The following LNPK variants were observed in gnomAD, a reference collection of about 807,000 sequenced individuals.
LNPK encodes lunapark, ER junction formation factor.
LNPK carries 29 observed loss-of-function variants against 55.2 expected under a neutral mutation model. The observed-to-expected ratio is 0.53, with a 90% CI of 0.39 to 0.72. The LOEUF (loss-of-function observed/expected upper bound fraction) is 0.72. Among genes scored for constraint, LNPK ranks in the 30% least tolerant of loss-of-function variants. The pLI is 0.00. For synonymous variants in LNPK, 162 were observed against 168.2 expected, an observed-to-expected ratio of 0.96 and a Z score of 0.29; for missense variants, 467 against 494.8, an observed-to-expected ratio of 0.94 and a Z score of 0.53.
At chr2:175,992,192 A>G (rs755597471) in intron 4 of LNPK, 39 bp downstream of exon 4, 1 of 1,359,168 alleles carries the variant, frequency 7.4e-7, no homozygotes, top group Non-Finnish European at 1.0e-6. Flanking sequence ...CTCTCTAGTC[A>G]GAAAAGGAAA....
Position 175,930,154 on chromosome 2 carries a change from T to C in LNPK, c.1100A>G (p.Asp367Gly), listed in dbSNP as rs1360265226. 3.1e-6 allele frequency: 5 copies of C among 1,613,244 alleles called. No homozygotes were observed. In the East Asian group the frequency reaches 1.1e-4, roughly 36 times the overall value. ...DVLDDNTEQT[D>G]DKIPATEQTN... The stretch of plus-strand genomic sequence containing the variant: ...CTGTTCTGTAGCTGGTATTTTGTCA[T>C]CTGTCTGCTCTGTATTATCATCAAG... The change falls in exon 13 of 13, where the codon GAT (aspartate) becomes GGT (glycine). Residue 367 changes from aspartate (D) to glycine (G), a missense_variant. By Grantham distance (94) the Asp-to-Gly change is moderately conservative. Coordinates refer to ENST00000272748, the MANE Select transcript of LNPK (RefSeq NM_030650.3).
At chr2:175,979,597 T>TA (rs377096584) in intron 5 of LNPK, among the ~76,000 whole-genome samples, 1,962 of 150,884 alleles carry the variant, frequency 0.013, 43 homozygotes, top group African/African-American at 0.045. Context: ...TTGTTTTGTG[T>TA]AAAAAAAAAT....
Position 175,929,286 on chromosome 2 carries a change from T to C in LNPK, c.*681A>G. ...TGTAAATATAAACTAATTATATACATAATGTGCCTTTGGCCCAGTTGTAAA... is the reference window on the plus strand; with the variant it reads ...TGTAAATATAAACTAATTATATACACAATGTGCCTTTGGCCCAGTTGTAAA... On this transcript the variant is annotated 3_prime_UTR_variant, in exon 13 of 13. Coordinates refer to ENST00000272748, the MANE Select transcript of LNPK (RefSeq NM_030650.3). 1.0e-6 allele frequency: 1 copy of C among 971,926 alleles called. No individual in the cohort carries two copies. 60.2% of individuals were successfully genotyped at this position (971,926 alleles called of 1,614,324 possible).
chr2:175,937,460 T>G lies in LNPK; in HGVS notation c.938A>C (p.Gln313Pro), dbSNP rs139043546. 1.5e-5 allele frequency: 24 copies of G among 1,613,612 alleles called. No homozygotes were observed. The Admixed American group carries it at 1.8e-4, about 12-fold the overall frequency. The change falls in exon 12 of 13, where the codon CAG becomes CCG. Residue 313 changes from glutamine to proline, a missense_variant. Physicochemically the swap from Gln to Pro is moderately conservative, Grantham distance 76 (BLOSUM62 -1). Transcript: ENST00000272748. Reference sequence around the variant, plus strand: ...ACTAAACTCAGGAAGTCTTGGAGCCTGAGGTCTGGTTTTTCTTGCAGGGTT... The same window carrying G: ...ACTAAACTCAGGAAGTCTTGGAGCCGGAGGTCTGGTTTTTCTTGCAGGGTT... The part of the protein sequence containing the change: ...FLNPARKTRP[Q>P]APRLPEFSFE...
At chr2:175,964,659 C>A in intron 6 of LNPK, 70 bp from the exon 7 acceptor site, 1 of 828,962 alleles carries the variant, frequency 1.2e-6, no homozygotes, top group Non-Finnish European at 2.1e-6. Flanking sequence ...AAGTCCTATT[C>A]AAAAAGGTTT....
chr2:175,970,623 T>G lies in LNPK; in HGVS notation c.357+141A>C, dbSNP rs369427794. 8.3e-5 allele frequency: 34 copies of G among 407,272 alleles called. No homozygotes were observed. The East Asian group carries it at 1.9e-3, about 22-fold the overall frequency. The allele number at this position is 407,272 out of a possible 1,614,324, so 25.2% of individuals were successfully genotyped here. On this transcript the variant is annotated intron_variant, in intron 6 of 12. Transcript: ENST00000272748. Reference sequence around the variant, plus strand: ...AATCATTATTAACTAGCAAAAATATTCACAATTTCACTTCATCATTAAAAT... The same window carrying G: ...AATCATTATTAACTAGCAAAAATATGCACAATTTCACTTCATCATTAAAAT...
At chr2:175,939,520 T>C in intron 10 of LNPK, 32 bp downstream of exon 10, 1 of 1,222,742 alleles carries the variant, frequency 8.2e-7, no homozygotes, top group Non-Finnish European at 1.2e-6. Flanking sequence ...CTGTTTTCAT[T>C]TTCATTTATC....
At chr2:175,991,954 C>T (rs557409126) in intron 4 of LNPK, among the ~76,000 whole-genome samples, 6 of 152,160 alleles carry the variant, frequency 3.9e-5, no homozygotes, top group Admixed American at 6.5e-5. Context: ...CAGTGCCCTT[C>T]GGGGAGCATG....
intron 8 of LNPK, among the ~76,000 whole-genome samples, chr2:175,954,687 T>C (rs1249891004): frequency 2.0e-5 from 3 of 152,312 alleles, no homozygotes; most frequent in Non-Finnish European, 2.9e-5. Context: ...AATCTCAACA[T>C]TAAACAACAT....
intron 9 of LNPK, among the ~76,000 whole-genome samples, chr2:175,944,566 T>C (rs1685027914): frequency 6.6e-6 from 1 of 152,114 alleles, no homozygotes; most frequent in Non-Finnish European, 1.5e-5. Context: ...GATGTTTGCC[T>C]TTGTAAAACA....
chr2:176,002,072 G>A, intron 1 of LNPK, 88 bp downstream of exon 1: 1 of 324,282 alleles, frequency 3.1e-6, no homozygotes. Flanking sequence ...GGCAAGCGGG[G>A]AACCCGCAGC....
intron 6 of LNPK, chr2:175,967,607 G>C (rs1427159810): frequency 2.0e-6 from 2 of 976,834 alleles, no homozygotes; most frequent in East Asian, 2.3e-4. Flanking sequence ...CAGAGTATTA[G>C]GGAGCATGTT....
At chr2:175,985,716 G>T (rs819033) in intron 4 of LNPK, among the ~76,000 whole-genome samples, 16 of 151,784 alleles carry the variant, frequency 1.1e-4, no homozygotes, top group Non-Finnish European at 2.4e-4. Flanking sequence ...GTAGGTATAG[G>T]GATTTAATTT....
At chr2:175,952,406 T>C (rs1426349098) in intron 8 of LNPK, among the ~76,000 whole-genome samples, 1 of 152,002 alleles carries the variant, frequency 6.6e-6, no homozygotes. Flanking sequence ...CACAGGGATA[T>C]ATTTTCAGGT....
intron 4 of LNPK, among the ~76,000 whole-genome samples, chr2:175,982,170 T>A (rs951934745): frequency 1.3e-5 from 2 of 150,618 alleles, no homozygotes; most frequent in Non-Finnish European, 2.9e-5. Context: ...ACTTCTCCAG[T>A]GCAAACCCAC....
rs75475954 is a variant in LNPK, at chr2:175,956,656, C to T, written c.493+7716G>A. ...AAGAACCATAAAACACAGGTCTTGG[C>T]CTACATTTGCAGGTTGCAGTTTGTG... On this transcript the variant is annotated intron_variant, in intron 8 of 12. Coordinates refer to ENST00000272748, the MANE Select transcript of LNPK (RefSeq NM_030650.3). Among the ~76,000 whole-genome samples, 6 of 152,250 alleles carry T rather than the reference C, an allele frequency of 3.9e-5. No homozygotes were observed. In the East Asian group the frequency reaches 1.2e-3, roughly 29 times the overall value.
chr2:175,927,310 C>T lies in LNPK; in HGVS notation c.*2657G>A, dbSNP rs1322833297. On this transcript the variant is annotated 3_prime_UTR_variant, in exon 13 of 13. Coordinates refer to ENST00000272748, the MANE Select transcript of LNPK (RefSeq NM_030650.3). The stretch of plus-strand genomic sequence containing the variant: ...TTGTGCTAGACCCTTGAGATACAGA[C>T]ATGAATAAGAAAAATAAGACCCTTG... 8 of 152,192 alleles carry T rather than the reference C, an allele frequency of 5.3e-5. No homozygotes were observed. Among genetic ancestry groups the T allele is most frequent in the Non-Finnish European group, 8.8e-5 (6 of 68,032 alleles). 9.4% of individuals were successfully genotyped at this position (152,192 alleles called of 1,614,324 possible).
intron 1 of LNPK, among the ~76,000 whole-genome samples, chr2:175,997,737 A>G (rs78444463): frequency 0.022 from 522 of 23,938 alleles, 3 homozygotes; most frequent in Middle Eastern, 0.071. Flanking sequence ...GTGTGTGTGT[A>G]TAAATATAAT....
rs373525969 is a variant in LNPK at position 175,965,559 on chromosome 2, T to C, written c.358-970A>G. On this transcript the variant is annotated intron_variant, in intron 6 of 12. Transcript: ENST00000272748. ...ATTCCAAAGGACATTTATTTTAAAA[T>C]GCAACCCAAAGCACATTTACTGAGT... 1.2e-4 allele frequency among the ~76,000 whole-genome samples: 18 copies of C among 152,300 alleles called. No individual in the cohort carries two copies. The East Asian group carries it at 2.9e-3, about 24-fold the overall frequency.
Sources: gnomAD v4.1 joint callset for allele counts (sites outside exome capture counted in the v4.1 genomes callset) on GRCh38, gnomAD v4.1.1 for gene constraint, MANE v1.5 for transcripts, NCBI Gene and HGNC (gene_info 2026-07-23, HGNC 2026-07-21) for gene names.